Variants in WWOX observed in about 807,000 individuals in gnomAD.
WWOX encodes WW domain-containing oxidoreductase.
A neutral mutation model predicts 46.2 loss-of-function variants in WWOX; 69 were observed. The ratio of observed to expected loss-of-function variants is 1.49; its 90% CI spans 1.23 to 1.82. The LOEUF (loss-of-function observed/expected upper bound fraction) is 1.82. Ranked by LOEUF, WWOX falls within the 40% of genes most tolerant of loss-of-function variation. The pLI is 0.00. For missense variants in WWOX, 919 were observed against 542.6 expected (o/e 1.69, Z -6.89); for synonymous variants, 359 against 202.6 (o/e 1.77, Z -6.56).
At chr16:78,554,997 C>T (rs913396217) in intron 8 of WWOX, among the ~76,000 whole-genome samples, 1 of 152,120 alleles carries the variant, frequency 6.6e-6, no homozygotes, top group Non-Finnish European at 1.5e-5. Context: ...GATAAACCAG[C>T]AGGGCCTGGC....
At chr16:78,770,237 G>A (rs1459477455) in intron 8 of WWOX, among the ~76,000 whole-genome samples, 2 of 152,140 alleles carry the variant, frequency 1.3e-5, no homozygotes, top group Admixed American at 6.5e-5. Flanking sequence ...TGTAGTTCCA[G>A]CTACTTGGGA....
chr16:78,894,881 C>G (rs1467002008), intron 8 of WWOX, among the ~76,000 whole-genome samples: 1 of 152,154 alleles, frequency 6.6e-6, no homozygotes, highest in Non-Finnish European at 1.5e-5. Context: ...GTGCATAACT[C>G]AGTTCTCGGA....
At chr16:78,667,010 C>G (rs368841016) in intron 8 of WWOX, among the ~76,000 whole-genome samples, 1 of 152,278 alleles carries the variant, frequency 6.6e-6, no homozygotes, top group African/African-American at 2.4e-5. Flanking sequence ...ATCTCTAACT[C>G]TAAAACCCAA....
intron 5 of WWOX, among the ~76,000 whole-genome samples, chr16:78,309,160 A>G (rs1310203348): frequency 1.3e-5 from 2 of 152,164 alleles, no homozygotes; most frequent in Non-Finnish European, 2.9e-5. Context: ...TGTAATCCCC[A>G]CAATCCCGAC....
chr16:79,051,538 A>G (rs2048167017), intron 8 of WWOX, among the ~76,000 whole-genome samples: 1 of 91,294 alleles, frequency 1.1e-5, no homozygotes, highest in Non-Finnish European at 2.0e-5. Flanking sequence ...GCTGCCTGCA[A>G]GGGAGGCTGG....
At chr16:78,352,024 T>C (rs1567517706) in intron 5 of WWOX, among the ~76,000 whole-genome samples, 1 of 152,146 alleles carries the variant, frequency 6.6e-6, no homozygotes, top group Non-Finnish European at 1.5e-5. Context: ...GAGCAGTTGA[T>C]GATCCAGAGC....
chr16:78,893,932 G>A (rs1429749898), intron 8 of WWOX, among the ~76,000 whole-genome samples: 1 of 151,948 alleles, frequency 6.6e-6, no homozygotes, highest in Non-Finnish European at 1.5e-5. Flanking sequence ...TGACAGATTT[G>A]TTACCAGCTG....
intron 7 of WWOX, among the ~76,000 whole-genome samples, chr16:78,426,495 C>G (rs1025059703): frequency 6.6e-6 from 1 of 152,130 alleles, no homozygotes; most frequent in Non-Finnish European, 1.5e-5. Flanking sequence ...ATCCAAATCT[C>G]AGCATCATTT....
At chr16:78,763,025 G>A (rs187456901) in intron 8 of WWOX, among the ~76,000 whole-genome samples, 2 of 152,286 alleles carry the variant, frequency 1.3e-5, no homozygotes, top group Admixed American at 6.5e-5. Context: ...AGGGGTAACT[G>A]AGTACGACTC....
intron 8 of WWOX, among the ~76,000 whole-genome samples, chr16:79,050,276 T>C (rs910720572): frequency 6.6e-6 from 1 of 152,138 alleles, no homozygotes; most frequent in Non-Finnish European, 1.5e-5. Flanking sequence ...CTCCTGCATC[T>C]TTGCATCAGC....
chr16:78,870,388 A>G (rs1158726372), intron 8 of WWOX, among the ~76,000 whole-genome samples: 2 of 151,964 alleles, frequency 1.3e-5, no homozygotes, highest in Non-Finnish European at 2.9e-5. Flanking sequence ...TGACCTTCCC[A>G]TTTTGTAGAT....
chr16:78,375,931 A>C (rs115652342), intron 5 of WWOX, among the ~76,000 whole-genome samples: 1,862 of 150,052 alleles, frequency 0.012, 37 homozygotes, highest in African/African-American at 0.043. Context: ...GGCTCACTGC[A>C]ACTCCGCATC....
chr16:78,334,648 C>A (rs901382463), intron 5 of WWOX, among the ~76,000 whole-genome samples: 1 of 151,714 alleles, frequency 6.6e-6, no homozygotes, highest in African/African-American at 2.4e-5. Flanking sequence ...ATTATAAATC[C>A]AAGAATTAAT....
At chr16:78,629,633 C>G (rs948998997) in intron 8 of WWOX, among the ~76,000 whole-genome samples, 1 of 152,222 alleles carries the variant, frequency 6.6e-6, no homozygotes, top group Admixed American at 6.5e-5. Context: ...AACCTGCTAC[C>G]TACCCTGCTC....
Position 78,775,380 on chromosome 16 carries a change from G to C in WWOX, c.1056+342628G>C, listed in dbSNP as rs550912469. Among the ~76,000 whole-genome samples the C allele has an allele frequency of 2.0e-5, 3 of 152,218 alleles. No homozygotes were observed. In the East Asian group the frequency reaches 5.8e-4, roughly 29 times the overall value. On this transcript the variant is annotated intron_variant, in intron 8 of 8. Coordinates refer to ENST00000566780, the MANE Select transcript of WWOX (RefSeq NM_016373.4). ...ACATGTAGTTTTTGGGCAACTTTTC[G>C]ATGAGTAAAACAGGGCCTGACTTTT...
chr16:78,301,441 G>A lies in WWOX; in HGVS notation c.517-85419G>A, dbSNP rs539708944. On this transcript the variant is annotated intron_variant, in intron 5 of 8. Transcript: ENST00000566780. ...ATTTTTTTCATACTTTTCTTTCATT[G>A]AGGAAACTTATTGTTTTGTACATTT... is the stretch of plus-strand genomic sequence containing the variant. 2.0e-5 allele frequency among the ~76,000 whole-genome samples: 3 copies of A among 151,960 alleles called. No individual in the cohort carries two copies. The East Asian group carries it at 5.8e-4, about 30-fold the overall frequency.
chr16:78,480,383 C>T (rs369716250), intron 8 of WWOX, among the ~76,000 whole-genome samples: 1 of 152,210 alleles, frequency 6.6e-6, no homozygotes, highest in African/African-American at 2.4e-5. Context: ...CCATTAAACT[C>T]TTTCATTTAT....
rs376333974 is a variant in WWOX at position 78,114,960 on chromosome 16, T to C, written c.231-16T>C. On this transcript the variant is annotated splice_polypyrimidine_tract_variant and intron_variant, in intron 3 of 8. Coordinates refer to ENST00000566780, the MANE Select transcript of WWOX (RefSeq NM_016373.4). ...GTGTTCATTGCTGTGGGTTCACTGC[T>C]TTCTCTTTTGGGCAGCCATATAAAT... 26 of 1,614,070 alleles carry C rather than the reference T, an allele frequency of 1.6e-5. No homozygotes were observed. Among genetic ancestry groups the C allele is most frequent in the Non-Finnish European group, 1.9e-5 (23 of 1,180,018 alleles).
chr16:78,278,656 G>A (rs774627861), intron 5 of WWOX: 2 of 1,609,032 alleles, frequency 1.2e-6, no homozygotes, highest in Non-Finnish European at 1.7e-6. Context: ...TTTTCCACTA[G>A]CAAAAGAAGG....
Sources: allele counts gnomAD v4.1 joint callset (sites outside exome capture counted in the v4.1 genomes callset), GRCh38; gene constraint gnomAD v4.1.1; transcripts MANE v1.5; gene names NCBI Gene and HGNC (gene_info 2026-07-23, HGNC 2026-07-21).